The following APTX variants were observed in gnomAD, a reference collection of about 807,000 sequenced individuals.
APTX encodes the protein aprataxin.
Under a neutral mutation model 42.3 loss-of-function variants are expected in APTX, and 33 were observed. The observed-to-expected ratio is 0.78, with a 90% CI of 0.59 to 1.04. The LOEUF is 1.04. Among genes scored for constraint, APTX ranks in the 50% least tolerant of loss-of-function variants. The pLI, the probability that APTX is intolerant of heterozygous loss-of-function variation, is 0.00. For synonymous variants in APTX, 130 were observed against 146.7 expected, an observed-to-expected ratio of 0.89 and a Z score of 0.82; for missense variants, 421 against 415.1, an observed-to-expected ratio of 1.01 and a Z score of -0.12.
At chr9:32,982,073 C>T (rs768254711) in intron 6 of APTX, among the ~76,000 whole-genome samples, 47 of 151,770 alleles carry the variant, frequency 3.1e-4, no homozygotes, top group Non-Finnish European at 6.3e-4. Context: ...TTAACATCAT[C>T]AGTAATAAAC....
In APTX at chr9:32,979,196, G is replaced by A. The variant is rs569254677; in HGVS notation, c.771-4635C>T. Among the ~76,000 whole-genome samples the A allele has an allele frequency of 7.2e-5, 11 of 151,990 alleles. 1 individual carries two copies. The South Asian group carries it at 2.3e-3, about 32-fold the overall frequency. The stretch of plus-strand genomic sequence containing the variant: ...TTCAATCCTCCCCCACCTCCCTCCC[G>A]CCACTGTCAAATAGGCCCTAGTGTC... On this transcript the variant is annotated intron_variant, in intron 6 of 7. Coordinates refer to ENST00000379817, the MANE Select transcript of APTX (RefSeq NM_001195248.2).
intron 1 of APTX, among the ~76,000 whole-genome samples, chr9:32,999,733 T>A (rs1835806717): frequency 6.6e-6 from 1 of 152,140 alleles, no homozygotes. Flanking sequence ...CCCAGCACTT[T>A]GGGAGGCCGA....
intron 1 of APTX, among the ~76,000 whole-genome samples, chr9:33,008,135 A>G (rs1837289263): frequency 6.6e-6 from 1 of 152,092 alleles, no homozygotes; most frequent in Non-Finnish European, 1.5e-5. Flanking sequence ...ACAAAGATAA[A>G]ATTCTAATAT....
At chr9:33,005,166 C>A (rs1215099583), upstream of APTX, among the ~76,000 whole-genome samples, 1 of 151,742 alleles carries the variant, frequency 6.6e-6, no homozygotes, top group East Asian at 1.9e-4. Context: ...GGATATTGAC[C>A]TCTGATCAAA....
At chr9:33,015,124 T>C (rs1415783334) in intron 1 of APTX, among the ~76,000 whole-genome samples, 1 of 152,210 alleles carries the variant, frequency 6.6e-6, no homozygotes, top group East Asian at 1.9e-4. Context: ...TCCACACTTT[T>C]AATGTATGGC....
Position 32,974,632 on chromosome 9 carries a change from T to C in APTX, c.771-71A>G, listed in dbSNP as rs142807740. On this transcript the variant is annotated intron_variant, in intron 6 of 7. Transcript: ENST00000379817. ...ATGGCTTAATCAAAATGACAAAGAG[T>C]ATGAGTACATTGTATATTCATACTA... 4.3e-4 allele frequency: 361 copies of C among 839,508 alleles called. No homozygotes were observed. In the African/African-American group the frequency reaches 5.1e-3, roughly 12 times the overall value. 52.0% of individuals were successfully genotyped at this position (839,508 alleles called of 1,614,324 possible). A position where few individuals can be genotyped will look rare whatever the true frequency, so the allele number is the denominator to read the frequency against.
At chr9:32,996,808 C>A (rs369071086) in intron 1 of APTX, among the ~76,000 whole-genome samples, 1 of 152,204 alleles carries the variant, frequency 6.6e-6, no homozygotes, top group South Asian at 2.1e-4. Flanking sequence ...ACTGCCTACG[C>A]ATTCACAAAA....
chr9:32,984,800 G>A lies in APTX; in HGVS notation c.601C>T (p.His201Tyr), dbSNP rs2118685688. 1.2e-6 allele frequency: 2 copies of A among 1,614,200 alleles called. No homozygotes were observed. Among genetic ancestry groups the A allele is most frequent in the South Asian group, 1.1e-5 (1 of 91,084 alleles). The part of the protein sequence containing the change: ...IKDKYPKARY[H>Y]WLVLPWTSIS... ...GAGGTCCACGGTAAGACCAGCCAAT[G>A]GTAACGGGCCTTTGGGTATTTATCC... is the stretch of plus-strand genomic sequence containing the variant. Residue 201 changes from histidine to tyrosine, a missense_variant, in exon 6 of 8, where the codon CAT (histidine) becomes TAT (tyrosine). By Grantham distance (83) the His-to-Tyr change is moderately conservative (BLOSUM62 2). Transcript: ENST00000379817.
At chr9:32,988,404 A>T (rs995713662) in intron 2 of APTX, among the ~76,000 whole-genome samples, 2 of 152,134 alleles carry the variant, frequency 1.3e-5, no homozygotes, top group Non-Finnish European at 2.9e-5. Context: ...ATTAATCCCC[A>T]CAAGTTTCCC....
At chr9:33,022,294 G>A (rs1477526837) in intron 1 of APTX, among the ~76,000 whole-genome samples, 1 of 152,122 alleles carries the variant, frequency 6.6e-6, no homozygotes, top group African/African-American at 2.4e-5. Flanking sequence ...CAGTTGACAG[G>A]AGAGTCAGTA....
At chr9:32,989,583 G>T in intron 2 of APTX, 176 bp downstream of exon 2, 1 of 945,924 alleles carries the variant, frequency 1.1e-6, no homozygotes, top group Non-Finnish European at 1.7e-6. Context: ...TTATCACATT[G>T]GGAGGGCAGA....
upstream of APTX, among the ~76,000 whole-genome samples, chr9:33,004,476 A>T (rs1836980105): frequency 6.6e-6 from 1 of 152,212 alleles, no homozygotes; most frequent in Non-Finnish European, 1.5e-5. Flanking sequence ...AATTATTTTG[A>T]ATATATACAC....
Position 32,974,444 on chromosome 9 carries a change from G to A in APTX, c.874+14C>T, listed in dbSNP as rs751303502. ...AAAATGAAACAAATGTGAAAACCAA[G>A]GAACACTGTTTACCTTGTGATTCTA... is the stretch of plus-strand genomic sequence containing the variant. On this transcript the variant is annotated intron_variant, in intron 7 of 7. Coordinates refer to ENST00000379817, the MANE Select transcript of APTX (RefSeq NM_001195248.2). 1.4e-5 allele frequency: 21 copies of A among 1,450,290 alleles called. No individual in the cohort carries two copies. The highest frequency in any genetic ancestry group is 2.0e-5 in the Non-Finnish European group (21 of 1,031,464). 89.8% of individuals were successfully genotyped at this position (1,450,290 alleles called of 1,614,324 possible).
chr9:32,974,626 A>G (rs752782846), intron 6 of APTX, 65 bp from the exon 7 acceptor site: 12 of 881,696 alleles, frequency 1.4e-5, no homozygotes, highest in Non-Finnish European at 2.1e-5. Flanking sequence ...TCAAAATGAC[A>G]AAGAGTATGA....
chr9:33,011,202 G>A (rs889315679), intron 1 of APTX, among the ~76,000 whole-genome samples: 2 of 152,040 alleles, frequency 1.3e-5, no homozygotes, highest in African/African-American at 4.8e-5. Flanking sequence ...CCTCTCTTGA[G>A]CACAGACCTG....
chr9:32,985,364 C>T (rs1449226698), intron 5 of APTX, among the ~76,000 whole-genome samples: 5 of 116,002 alleles, frequency 4.3e-5, no homozygotes, highest in African/African-American at 7.1e-5. Context: ...GATGGAGTTT[C>T]GCTCTTGTTG....
intron 6 of APTX, among the ~76,000 whole-genome samples, chr9:32,978,360 T>C (rs774431591): frequency 1.8e-4 from 27 of 152,178 alleles, no homozygotes; most frequent in Non-Finnish European, 2.5e-4. Flanking sequence ...CAGGTCTACA[T>C]AGAAAAGAAG....
chr9:33,009,359 T>C (rs1728991899), intron 1 of APTX, among the ~76,000 whole-genome samples: 1 of 152,156 alleles, frequency 6.6e-6, no homozygotes, highest in Non-Finnish European at 1.5e-5. Flanking sequence ...ACCAGCAATA[T>C]TGAACTTCCT....
intron 1 of APTX, among the ~76,000 whole-genome samples, chr9:33,013,876 G>C (rs1465067722): frequency 5.3e-5 from 8 of 152,218 alleles, no homozygotes; most frequent in Admixed American, 3.9e-4. Context: ...ACAGGGAGAT[G>C]AAAGAAATGA....
Sources: gnomAD v4.1 joint callset for allele counts (sites outside exome capture counted in the v4.1 genomes callset) on GRCh38, gnomAD v4.1.1 for gene constraint, MANE v1.5 for transcripts, NCBI Gene and HGNC (gene_info 2026-07-23, HGNC 2026-07-21) for gene names.